The following TIAM1 variants were observed in gnomAD, a reference collection of about 807,000 sequenced individuals.
TIAM1 encodes TIAM Rac1 associated GEF 1.
A neutral mutation model predicts 163.5 loss-of-function variants in TIAM1; 65 were observed. The observed-to-expected ratio is 0.40, with a 90% CI of 0.33 to 0.49. The LOEUF (loss-of-function observed/expected upper bound fraction) is 0.49, where lower values mean the gene tolerates loss of function less well. TIAM1 is among the 20% of genes least tolerant of loss of function. TIAM1 has a pLI of 0.77. For missense variants in TIAM1, 1,789 were observed against 2,044.7 expected (o/e 0.87, Z 2.41); for synonymous variants, 833 against 810.1 (o/e 1.03, Z -0.48).
At chr21:31,437,740 G>A (rs1276566336) in intron 2 of TIAM1, among the ~76,000 whole-genome samples, 1 of 151,944 alleles carries the variant, frequency 6.6e-6, no homozygotes, top group East Asian at 1.9e-4. Context: ...ACCTGCTCTG[G>A]CCACGTAAGA....
At chr21:31,273,087 A>T (rs2073135403) in intron 3 of TIAM1, among the ~76,000 whole-genome samples, 1 of 152,246 alleles carries the variant, frequency 6.6e-6, no homozygotes, top group Admixed American at 6.5e-5. Flanking sequence ...CAAATAAAAA[A>T]ATAAAATAAA....
At chr21:31,373,832 T>C (rs887829963) in intron 2 of TIAM1, among the ~76,000 whole-genome samples, 1 of 152,088 alleles carries the variant, frequency 6.6e-6, no homozygotes, top group Non-Finnish European at 1.5e-5. Flanking sequence ...TACTTCCTTT[T>C]CCCCCATCGT....
chr21:31,496,916 A>C (rs1283126001), intron 1 of TIAM1, among the ~76,000 whole-genome samples: 1 of 152,190 alleles, frequency 6.6e-6, no homozygotes, highest in East Asian at 1.9e-4. Context: ...CAGATCATCA[A>C]GCATTAGTTA....
At chr21:31,161,615 C>T (rs947483754) in intron 16 of TIAM1, among the ~76,000 whole-genome samples, 1 of 152,104 alleles carries the variant, frequency 6.6e-6, no homozygotes, top group Admixed American at 6.6e-5. Flanking sequence ...TTATGCTGAC[C>T]GATATCATGT....
intron 2 of TIAM1, among the ~76,000 whole-genome samples, chr21:31,462,307 T>C (rs574916491): frequency 9.2e-5 from 14 of 152,348 alleles, no homozygotes; most frequent in Admixed American, 3.3e-4. Flanking sequence ...GGCTGTGATT[T>C]GCTGACCCCT....
rs2086774039 is a variant in TIAM1 at position 31,210,677 on chromosome 21, AAGAAAGAAAAAG to A, written c.2218-474_2218-463del. Among the ~76,000 whole-genome samples the A allele has an allele frequency of 3.3e-5, 3 of 91,900 alleles. 1 individual carries two copies. Among genetic ancestry groups the A allele is most frequent in the Admixed American group, 2.5e-4 (2 of 8,036 alleles). The allele number at this position is 91,900 out of a possible 152,430, so 60.3% of individuals were successfully genotyped here. On this transcript the variant is annotated intron_variant, in intron 10 of 27. Coordinates refer to ENST00000541036, the MANE Select transcript of TIAM1 (RefSeq NM_001353694.2). ...AGAAAGAAAGAAAGAAAAAGAAAGA[AAGAAAGAAAAAG>A]AAAGAAAGAAAGAAAGAGAAAGAAA... is the stretch of plus-strand genomic sequence containing the variant.
intron 1 of TIAM1, among the ~76,000 whole-genome samples, chr21:31,488,545 G>A (rs1423036421): frequency 2.0e-5 from 3 of 152,196 alleles, no homozygotes; most frequent in African/African-American, 7.2e-5. Flanking sequence ...GAAGTTTCAT[G>A]GACTCAGTTC....
intron 2 of TIAM1, among the ~76,000 whole-genome samples, chr21:31,367,371 T>A (rs2076521087): frequency 6.6e-6 from 1 of 152,128 alleles, no homozygotes; most frequent in Non-Finnish European, 1.5e-5. Flanking sequence ...AGTTTCCCAG[T>A]CAACAGAATG....
chr21:31,264,822 C>T lies in TIAM1; in HGVS notation c.963+1188G>A, dbSNP rs2072664794. 4.6e-5 allele frequency among the ~76,000 whole-genome samples: 7 copies of T among 152,178 alleles called. No individual in the cohort carries two copies. The South Asian group carries it at 1.5e-3, about 32-fold the overall frequency. On this transcript the variant is annotated intron_variant, in intron 4 of 27. Coordinates refer to ENST00000541036, the MANE Select transcript of TIAM1 (RefSeq NM_001353694.2). The stretch of plus-strand genomic sequence containing the variant: ...ATCAGAGTGCTGACTGCAGGGAAGT[C>T]TGCTGGTCAACCTTGAGGCTGCTCC...
chr21:31,456,852 T>C (rs2045123299), intron 2 of TIAM1, among the ~76,000 whole-genome samples: 1 of 152,180 alleles, frequency 6.6e-6, no homozygotes, highest in Non-Finnish European at 1.5e-5. Flanking sequence ...CCACCACCAA[T>C]TAACCATTCC....
At chr21:31,419,978 G>A (rs1398626504) in intron 2 of TIAM1, among the ~76,000 whole-genome samples, 2 of 152,234 alleles carry the variant, frequency 1.3e-5, no homozygotes, top group Non-Finnish European at 1.5e-5. Flanking sequence ...GAACCCGAGA[G>A]GTGGAGGCTG....
intron 1 of TIAM1, among the ~76,000 whole-genome samples, chr21:31,512,866 A>T (rs948149370): frequency 6.6e-6 from 1 of 150,786 alleles, no homozygotes; most frequent in Admixed American, 6.6e-5. Context: ...CTGGTCTCAG[A>T]CTCCTGAGCT....
chr21:31,436,671 A>G (rs1179860960), intron 2 of TIAM1, among the ~76,000 whole-genome samples: 4 of 151,900 alleles, frequency 2.6e-5, no homozygotes, highest in Non-Finnish European at 5.9e-5. Flanking sequence ...ATTTAAAAAA[A>G]TATAGGCCAG....
At chr21:31,252,658 C>T (rs1311988233) in intron 4 of TIAM1, among the ~76,000 whole-genome samples, 1 of 152,046 alleles carries the variant, frequency 6.6e-6, no homozygotes, top group Non-Finnish European at 1.5e-5. Flanking sequence ...TAGCTGATAT[C>T]TTTAAAAATA....
At chr21:31,293,686 C>T (rs983866493) in intron 2 of TIAM1, among the ~76,000 whole-genome samples, 1 of 152,186 alleles carries the variant, frequency 6.6e-6, no homozygotes, top group African/African-American at 2.4e-5. Flanking sequence ...CCACAGTCTC[C>T]GGGGCATGAA....
chr21:31,193,260 C>G (rs2085657024), intron 13 of TIAM1, among the ~76,000 whole-genome samples: 1 of 152,210 alleles, frequency 6.6e-6, no homozygotes, highest in South Asian at 2.1e-4. Flanking sequence ...ATCCTGAGAA[C>G]TTGGATTTTG....
chr21:31,148,084 G>C (rs1022995907), intron 19 of TIAM1, among the ~76,000 whole-genome samples: 5 of 146,132 alleles, frequency 3.4e-5, no homozygotes, highest in Non-Finnish European at 7.4e-5. Flanking sequence ...CTCTTCTTAC[G>C]TGTTCTCCTT....
intron 24 of TIAM1, among the ~76,000 whole-genome samples, chr21:31,130,660 C>A (rs1171035882): frequency 6.6e-6 from 1 of 152,130 alleles, no homozygotes; most frequent in Admixed American, 6.5e-5. Flanking sequence ...CCAATTGAGT[C>A]CAGTTGGTTC....
intron 27 of TIAM1, among the ~76,000 whole-genome samples, chr21:31,121,542 C>G (rs751514579): frequency 6.6e-6 from 1 of 152,180 alleles, no homozygotes; most frequent in Non-Finnish European, 1.5e-5. Context: ...TTCTTTCTGA[C>G]AAAGTCCCAC....
Sources: gnomAD v4.1 joint callset for allele counts (sites outside exome capture counted in the v4.1 genomes callset) on GRCh38, gnomAD v4.1.1 for gene constraint, MANE v1.5 for transcripts, NCBI Gene and HGNC (gene_info 2026-07-23, HGNC 2026-07-21) for gene names.